Variants in DSCAM observed in about 807,000 individuals in gnomAD.
DSCAM encodes cell adhesion molecule DSCAM.
A neutral mutation model predicts 217.7 loss-of-function variants in DSCAM; 47 were observed. The ratio of observed to expected loss-of-function variants is 0.22; its 90% CI spans 0.17 to 0.28. The LOEUF (loss-of-function observed/expected upper bound fraction) is 0.28, where lower values mean the gene tolerates loss of function less well. DSCAM is among the 10% of genes least tolerant of loss of function. The pLI, the probability that DSCAM is intolerant of heterozygous loss-of-function variation, is 1.00. For missense variants in DSCAM, 2,080 were observed against 2,618.3 expected (o/e 0.79, Z 4.49); for synonymous variants, 1,056 against 1,015.3 (o/e 1.04, Z -0.76).
intron 3 of DSCAM, among the ~76,000 whole-genome samples, chr21:40,636,996 G>T (rs1362313882): frequency 1.3e-5 from 2 of 148,282 alleles, no homozygotes; most frequent in Non-Finnish European, 3.0e-5. Flanking sequence ...ATAGACCAAA[G>T]ACAGGACCCC....
intron 1 of DSCAM, among the ~76,000 whole-genome samples, chr21:40,841,620 T>TGCG (rs1424192746): frequency 6.6e-6 from 1 of 152,074 alleles, no homozygotes; most frequent in African/African-American, 2.4e-5. Context: ...ATTGATGGAC[T>TGCG]GCGGAGGAGC....
intron 3 of DSCAM, among the ~76,000 whole-genome samples, chr21:40,564,456 T>C (rs1260458286): frequency 2.6e-5 from 4 of 152,262 alleles, no homozygotes; most frequent in Admixed American, 6.5e-5. Context: ...CTTTATTTAC[T>C]CAGCGTTGAC....
chr21:40,042,279 G>A (rs1283457356), intron 32 of DSCAM, 92 bp downstream of exon 32: 2 of 1,422,654 alleles, frequency 1.4e-6, no homozygotes, highest in East Asian at 4.6e-5. Context: ...CATTTGGTCT[G>A]AACACTGAGA....
At chr21:40,183,933 C>A (rs1056092877) in intron 14 of DSCAM, among the ~76,000 whole-genome samples, 2 of 152,148 alleles carry the variant, frequency 1.3e-5, no homozygotes, top group African/African-American at 4.8e-5. Flanking sequence ...TTATGAGTCT[C>A]GTATACATGT....
chr21:40,638,465 C>A (rs1423319313), intron 3 of DSCAM, among the ~76,000 whole-genome samples: 1 of 152,130 alleles, frequency 6.6e-6, no homozygotes, highest in Non-Finnish European at 1.5e-5. Context: ...AGAATTCAAG[C>A]TGGATTTGCA....
intron 3 of DSCAM, among the ~76,000 whole-genome samples, chr21:40,443,830 A>C (rs1373559114): frequency 6.6e-6 from 1 of 152,204 alleles, no homozygotes; most frequent in African/African-American, 2.4e-5. Context: ...AGTTTTAATT[A>C]TTCTACCAGA....
rs1453041937 is a variant in DSCAM, at chr21:40,078,835, C to G, written c.4563G>C (p.Trp1521Cys). Residue 1521 changes from tryptophan (W) to cysteine (C), a missense_variant, in exon 26 of 33, where the codon TGG becomes TGC. Trp to Cys is a radical substitution (Grantham distance 215). Coordinates refer to ENST00000400454, the MANE Select transcript of DSCAM (RefSeq NM_001389.5). ...LEYRPFGTTV[W>C]TTAQRTSLSK... is the part of the protein sequence containing the mutation. ...AGAGAGAGGTCCTCTGAGCTGTGGT[C>G]CAAACTGTGGTCCCAAAGGGCCTGT... The G allele has an allele frequency of 6.2e-7, 1 of 1,614,188 alleles. No individual in the cohort carries two copies. Among genetic ancestry groups the G allele is most frequent in the East Asian group, 2.2e-5 (1 of 44,872 alleles).
At chr21:40,064,717 A>C (rs1362378820) in intron 27 of DSCAM, among the ~76,000 whole-genome samples, 1 of 152,220 alleles carries the variant, frequency 6.6e-6, no homozygotes, top group Admixed American at 6.5e-5. Context: ...CATCGGAATT[A>C]TGAGCCCATT....
intron 3 of DSCAM, among the ~76,000 whole-genome samples, chr21:40,549,378 C>A (rs2076611432): frequency 6.6e-6 from 1 of 152,024 alleles, no homozygotes; most frequent in African/African-American, 2.4e-5. Flanking sequence ...ATTCTTCAGT[C>A]ATTTACTTCG....
At chr21:40,056,961 C>A (rs1260903301) in intron 28 of DSCAM, among the ~76,000 whole-genome samples, 2 of 152,236 alleles carry the variant, frequency 1.3e-5, no homozygotes, top group Non-Finnish European at 2.9e-5. Flanking sequence ...AGGACTCATC[C>A]ACTCTTAAAC....
intron 11 of DSCAM, among the ~76,000 whole-genome samples, chr21:40,259,276 CT>C (rs34049418): frequency 1.3e-3 from 159 of 119,546 alleles, no homozygotes; most frequent in Middle Eastern, 4.2e-3. Flanking sequence ...TTAATGAACT[CT>C]TTTTTTTTTT....
chr21:40,582,033 C>T lies in DSCAM; in HGVS notation c.508+110777G>A, dbSNP rs535104579. ...ATACTAGTGAAATGTGGTTGAGTCA[C>T]AAGGTAATTACTTTAGATAAATGTC... On this transcript the variant is annotated intron_variant, in intron 3 of 32. Coordinates refer to ENST00000400454, the MANE Select transcript of DSCAM (RefSeq NM_001389.5). 2.3e-4 allele frequency among the ~76,000 whole-genome samples: 35 copies of T among 152,230 alleles called. 1 individual carries two copies. In the South Asian group the frequency reaches 7.0e-3, roughly 31 times the overall value.
intron 1 of DSCAM, among the ~76,000 whole-genome samples, chr21:40,818,041 A>C (rs2091896319): frequency 7.6e-6 from 1 of 131,696 alleles, no homozygotes; most frequent in Non-Finnish European, 1.6e-5. Context: ...GCTTGCAGTG[A>C]GCCGAGATTG....
At chr21:40,159,736 T>C (rs77042836) in intron 16 of DSCAM, among the ~76,000 whole-genome samples, 1 of 152,130 alleles carries the variant, frequency 6.6e-6, no homozygotes, top group African/African-American at 2.4e-5. Flanking sequence ...GCATGATCCA[T>C]CATGCCTGGC....
At chr21:40,722,811 C>T (rs906144508) in intron 1 of DSCAM, among the ~76,000 whole-genome samples, 1 of 151,278 alleles carries the variant, frequency 6.6e-6, no homozygotes, top group Non-Finnish European at 1.5e-5. Flanking sequence ...ACTGATAGAC[C>T]AAAAGTAAAA....
At chr21:40,490,520 G>T (rs62225506) in intron 3 of DSCAM, among the ~76,000 whole-genome samples, 13,561 of 152,210 alleles carry the variant, frequency 0.089, 705 homozygotes, top group Middle Eastern at 0.16. Context: ...GTAAGGGTAT[G>T]TGAGAGGAAG....
intron 3 of DSCAM, among the ~76,000 whole-genome samples, chr21:40,627,141 T>C (rs2146310563): frequency 6.6e-6 from 1 of 152,284 alleles, no homozygotes; most frequent in South Asian, 2.1e-4. Flanking sequence ...TCTAGTACAC[T>C]GCCTCTCCAT....
At chr21:40,311,609 C>A (rs1241478638) in intron 9 of DSCAM, among the ~76,000 whole-genome samples, 1 of 152,134 alleles carries the variant, frequency 6.6e-6, no homozygotes, top group East Asian at 1.9e-4. Context: ...GCAAAGAAAA[C>A]CACATTTCTA....
At chr21:40,670,309 G>C (rs2090257037) in intron 3 of DSCAM, among the ~76,000 whole-genome samples, 1 of 152,000 alleles carries the variant, frequency 6.6e-6, no homozygotes, top group Non-Finnish European at 1.5e-5. Context: ...CTAACTTTCT[G>C]CCTCTGTAAA....
Sources: gnomAD v4.1 joint callset for allele counts (sites outside exome capture counted in the v4.1 genomes callset) on GRCh38, gnomAD v4.1.1 for gene constraint, MANE v1.5 for transcripts, NCBI Gene and HGNC (gene_info 2026-07-23, HGNC 2026-07-21) for gene names.